Variants in STXBP5L observed in about 807,000 individuals in gnomAD.
The protein encoded by STXBP5L is syntaxin binding protein 5L, also known as syntaxin-binding protein 5-like.
Under a neutral mutation model 144.5 loss-of-function variants are expected in STXBP5L, and 65 were observed. The ratio of observed to expected loss-of-function variants is 0.45; its 90% CI spans 0.37 to 0.55. The LOEUF (loss-of-function observed/expected upper bound fraction) is 0.55. STXBP5L is among the 20% of genes least tolerant of loss of function. The pLI is 0.00. For synonymous variants in STXBP5L, 505 were observed against 469.6 expected, an observed-to-expected ratio of 1.08 and a Z score of -0.97; for missense variants, 1,298 against 1,405.5, an observed-to-expected ratio of 0.92 and a Z score of 1.22.
chr3:121,253,635 A>C (rs952769608), intron 15 of STXBP5L, among the ~76,000 whole-genome samples: 1 of 147,932 alleles, frequency 6.8e-6, no homozygotes, highest in Non-Finnish European at 1.5e-5. Flanking sequence ...AAATATATAT[A>C]CTTTTTTTTT....
intron 9 of STXBP5L, among the ~76,000 whole-genome samples, chr3:121,175,804 A>C (rs183820889): frequency 4.6e-5 from 7 of 152,106 alleles, no homozygotes; most frequent in Non-Finnish European, 1.0e-4. Context: ...ACTCAACTAC[A>C]TGTTGTCTAC....
intron 7 of STXBP5L, among the ~76,000 whole-genome samples, chr3:121,124,997 T>G (rs2044639907): frequency 6.6e-6 from 1 of 152,178 alleles, no homozygotes; most frequent in African/African-American, 2.4e-5. Context: ...TTTCTACATG[T>G]ATCAAGATTA....
At chr3:120,998,490 A>G (rs1411731978) in intron 3 of STXBP5L, among the ~76,000 whole-genome samples, 4 of 151,984 alleles carry the variant, frequency 2.6e-5, no homozygotes, top group Non-Finnish European at 4.4e-5. Context: ...CCATCAACCC[A>G]TCATCTACAT....
chr3:121,311,114 G>A (rs530048802), intron 19 of STXBP5L, among the ~76,000 whole-genome samples: 51 of 152,248 alleles, frequency 3.3e-4, no homozygotes, highest in Admixed American at 6.5e-4. Flanking sequence ...TAGCCAATAA[G>A]CATGTGAAAA....
At chr3:121,131,515 C>T (rs777259931) in intron 7 of STXBP5L, among the ~76,000 whole-genome samples, 1 of 152,078 alleles carries the variant, frequency 6.6e-6, no homozygotes, top group African/African-American at 2.4e-5. Context: ...CAAATATGGC[C>T]TGCCTGTTAT....
intron 11 of STXBP5L, among the ~76,000 whole-genome samples, chr3:121,224,657 C>A (rs1427777159): frequency 1.3e-5 from 2 of 151,996 alleles, no homozygotes; most frequent in Non-Finnish European, 2.9e-5. Flanking sequence ...TGGTTTCATG[C>A]ATAGTAATAG....
At chr3:120,986,549 T>G (rs1410883761) in intron 3 of STXBP5L, among the ~76,000 whole-genome samples, 1 of 151,996 alleles carries the variant, frequency 6.6e-6, no homozygotes, top group Admixed American at 6.6e-5. Flanking sequence ...TGTCATTAGA[T>G]AAGTAAATAT....
intron 18 of STXBP5L, among the ~76,000 whole-genome samples, chr3:121,261,230 G>A (rs536110514): frequency 2.6e-5 from 4 of 152,210 alleles, no homozygotes; most frequent in African/African-American, 7.2e-5. Flanking sequence ...TTATTACAGA[G>A]CTTCTGAATA....
intron 5 of STXBP5L, among the ~76,000 whole-genome samples, chr3:121,064,655 C>T (rs1052692970): frequency 6.6e-6 from 1 of 152,158 alleles, no homozygotes; most frequent in Non-Finnish European, 1.5e-5. Context: ...TTTGCTTTCT[C>T]CAGGTAACAT....
At chr3:121,402,845 G>A (rs145213318) in intron 22 of STXBP5L, among the ~76,000 whole-genome samples, 3 of 151,984 alleles carry the variant, frequency 2.0e-5, no homozygotes, top group African/African-American at 4.8e-5. Flanking sequence ...TTTTGTTTTG[G>A]TATAGATGAG....
At chr3:121,137,209 A>C (rs2045298000) in intron 7 of STXBP5L, among the ~76,000 whole-genome samples, 1 of 152,162 alleles carries the variant, frequency 6.6e-6, no homozygotes, top group African/African-American at 2.4e-5. Flanking sequence ...AAACCTGCAC[A>C]CGTACCCCTT....
intron 19 of STXBP5L, among the ~76,000 whole-genome samples, chr3:121,292,013 G>T (rs1323152183): frequency 1.3e-5 from 2 of 152,150 alleles, no homozygotes; most frequent in East Asian, 1.9e-4. Context: ...TTATGACCAA[G>T]AACCCAAAAG....
At chr3:121,034,257 C>A (rs934298710) in intron 3 of STXBP5L, among the ~76,000 whole-genome samples, 2 of 151,846 alleles carry the variant, frequency 1.3e-5, no homozygotes, top group African/African-American at 4.8e-5. Flanking sequence ...TACCTTATAC[C>A]CATTAAGTAA....
At chr3:121,316,290 G>A (rs1195257354) in intron 19 of STXBP5L, among the ~76,000 whole-genome samples, 1 of 152,126 alleles carries the variant, frequency 6.6e-6, no homozygotes, top group Non-Finnish European at 1.5e-5. Flanking sequence ...CCTTCATCAG[G>A]AAAGTAGGTA....
At chr3:121,167,804 A>G (rs1229573154) in intron 9 of STXBP5L, among the ~76,000 whole-genome samples, 2 of 152,172 alleles carry the variant, frequency 1.3e-5, no homozygotes, top group African/African-American at 2.4e-5. Context: ...AAAGCAGTGG[A>G]TCTCCCAGCA....
At chr3:120,989,548 T>C (rs1283875636) in intron 3 of STXBP5L, among the ~76,000 whole-genome samples, 1 of 152,196 alleles carries the variant, frequency 6.6e-6, no homozygotes, top group Non-Finnish European at 1.5e-5. Context: ...ACCTGTCGGA[T>C]GCATAGTTTG....
intron 6 of STXBP5L, among the ~76,000 whole-genome samples, chr3:121,116,760 C>A (rs929331082): frequency 2.0e-5 from 3 of 151,900 alleles, no homozygotes; most frequent in African/African-American, 7.2e-5. Flanking sequence ...TTGGGAGGGT[C>A]CTTTTCCCCT....
At chr3:121,061,007 C>G (rs759165463) in intron 5 of STXBP5L, among the ~76,000 whole-genome samples, 9 of 152,086 alleles carry the variant, frequency 5.9e-5, no homozygotes, top group Admixed American at 2.0e-4. Context: ...TTCTTGTCTT[C>G]TGCTACCTTT....
intron 3 of STXBP5L, among the ~76,000 whole-genome samples, chr3:120,977,904 C>G (rs1231587177): frequency 6.6e-6 from 1 of 152,192 alleles, no homozygotes; most frequent in Non-Finnish European, 1.5e-5. Flanking sequence ...GATTTTCTGC[C>G]AAGAGATCTG....
Sources: allele counts gnomAD v4.1 joint callset (sites outside exome capture counted in the v4.1 genomes callset), GRCh38; gene constraint gnomAD v4.1.1; transcripts MANE v1.5; gene names NCBI Gene and HGNC (gene_info 2026-07-23, HGNC 2026-07-21).